Variants in FBXL2 observed in about 807,000 individuals in gnomAD.
The protein encoded by FBXL2 is F-box/LRR-repeat protein 2.
Under a neutral mutation model 69.2 loss-of-function variants are expected in FBXL2, and 38 were observed. The observed-to-expected ratio is 0.55, with a 90% CI of 0.42 to 0.72. FBXL2 has a LOEUF of 0.72. FBXL2 is among the 30% of genes least tolerant of loss of function. The pLI is 0.00. For missense variants in FBXL2, 354 were observed against 520.3 expected (o/e 0.68, Z 3.11); for synonymous variants, 192 against 201.3 (o/e 0.95, Z 0.39).
intron 2 of FBXL2, among the ~76,000 whole-genome samples, chr3:33,299,185 G>A (rs779718503): frequency 6.6e-6 from 1 of 152,014 alleles, no homozygotes; most frequent in Non-Finnish European, 1.5e-5. Flanking sequence ...GGGATTACAG[G>A]CATGTGTCAC....
intron 2 of FBXL2, among the ~76,000 whole-genome samples, chr3:33,339,372 T>G (rs934320276): frequency 6.6e-5 from 10 of 152,162 alleles, no homozygotes; most frequent in African/African-American, 2.2e-4. Context: ...TTTGGAGATT[T>G]CTCAAACAAC....
At position 33,300,068 on chromosome 3, in the gene FBXL2, A is replaced by G. The variant is rs78442979; in HGVS notation, c.65+2343A>G. 3.3e-3 allele frequency among the ~76,000 whole-genome samples: 505 copies of G among 152,194 alleles called. 3 individuals carry two copies. Among genetic ancestry groups the G allele is most frequent in the African/African-American group, 0.011 (454 of 41,526 alleles). On this transcript the variant is annotated intron_variant, in intron 2 of 14. Transcript: ENST00000484457. ...CATCAAGCTGTAATCTAAATATGGT[A>G]TTCTTACCCTGGGGAATCATAAGCA...
intron 2 of FBXL2, among the ~76,000 whole-genome samples, chr3:33,352,678 T>G (rs889329420): frequency 1.6e-4 from 25 of 152,176 alleles, no homozygotes; most frequent in African/African-American, 6.0e-4. Context: ...GGCAGATCAC[T>G]TAAGGTCAGG....
At chr3:33,355,241 C>A (rs1316661647) in intron 2 of FBXL2, among the ~76,000 whole-genome samples, 1 of 152,102 alleles carries the variant, frequency 6.6e-6, no homozygotes, top group Non-Finnish European at 1.5e-5. Flanking sequence ...AAAAATATTC[C>A]ATTTTAATAA....
At position 33,329,618 on chromosome 3, in the gene FBXL2, A is replaced by G. The variant is rs116525372; in HGVS notation, c.66-29349A>G. Among the ~76,000 whole-genome samples, 181 of 152,294 alleles carry G rather than the reference A, an allele frequency of 1.2e-3. 2 individuals are homozygous for G. The highest frequency in any genetic ancestry group is 4.2e-3 in the African/African-American group (173 of 41,564). ...TTGAAATCCTGTCGTTTGCAGCAAG[A>G]TGGATGGAACCAGAGGTTGTTAAGT... On this transcript the variant is annotated intron_variant, in intron 2 of 14. Coordinates refer to ENST00000484457, the MANE Select transcript of FBXL2 (RefSeq NM_012157.5).
chr3:33,277,457 G>A lies in FBXL2; in HGVS notation c.-56G>A. ...CCTGGCTGGCGTCACCAGGACAACG[G>A]GCGTCGCCGGCGCCGTGTGACTTCG... On this transcript the variant is annotated 5_prime_UTR_variant, in exon 1 of 15. Transcript: ENST00000484457. 1 of 1,264,360 alleles carries A rather than the reference G, an allele frequency of 7.9e-7. No homozygotes were observed. Among genetic ancestry groups the A allele is most frequent in the South Asian group, 3.3e-5 (1 of 30,102 alleles). The allele number at this position is 1,264,360 out of a possible 1,614,324, so 78.3% of individuals were successfully genotyped here.
chr3:33,385,570 A>C lies in FBXL2; in HGVS notation c.1234A>C (p.Ser412Arg). Residue 412 changes from serine (S) to arginine (R), a missense_variant, in exon 15 of 15, where the codon AGT (serine) becomes CGT (arginine). Physicochemically the swap from Ser to Arg is moderately radical, Grantham distance 110. Coordinates refer to ENST00000484457, the MANE Select transcript of FBXL2 (RefSeq NM_012157.5). ...PVTPPTAVAG[S>R]GQRLCRCCVI... ...CACCCCACCGACAGCAGTGGCAGGAAGTGGACAGCGACTGTGCAGGTGCTG... is the reference window on the plus strand; with the variant it reads ...CACCCCACCGACAGCAGTGGCAGGACGTGGACAGCGACTGTGCAGGTGCTG... The C allele has an allele frequency of 1.2e-6, 2 of 1,613,994 alleles. No homozygotes were observed. Among genetic ancestry groups the C allele is most frequent in the Non-Finnish European group, 1.7e-6 (2 of 1,179,976 alleles).
the FBXL2 span, among the ~76,000 whole-genome samples, chr3:33,411,965 T>C: frequency 2.0e-5 from 3 of 152,082 alleles, no homozygotes. Context: ...GGCAGGTGGA[T>C]AACCCGAGGT....
chr3:33,368,353 C>G (rs953608601), intron 5 of FBXL2, among the ~76,000 whole-genome samples: 1 of 152,224 alleles, frequency 6.6e-6, no homozygotes, highest in Non-Finnish European at 1.5e-5. Flanking sequence ...CCTATCAGCT[C>G]TTGCTTCAAG....
At chr3:33,366,299 T>C (rs1257514688) in intron 5 of FBXL2, among the ~76,000 whole-genome samples, 2 of 152,208 alleles carry the variant, frequency 1.3e-5, no homozygotes, top group East Asian at 3.8e-4. Flanking sequence ...TATTTTCTTA[T>C]AATGCTTTTG....
intron 5 of FBXL2, among the ~76,000 whole-genome samples, chr3:33,366,775 T>C (rs986192627): frequency 1.3e-5 from 2 of 151,992 alleles, no homozygotes; most frequent in Non-Finnish European, 2.9e-5. Context: ...CCATCCTGGC[T>C]AACACAGTGA....
At chr3:33,345,812 T>A (rs922930056) in intron 2 of FBXL2, among the ~76,000 whole-genome samples, 3 of 152,176 alleles carry the variant, frequency 2.0e-5, no homozygotes, top group Non-Finnish European at 4.4e-5. Flanking sequence ...AGAAAAGGTC[T>A]TAAAAGCAAA....
At chr3:33,277,400 C>T (rs1183385473), upstream of FBXL2, 1 of 1,167,112 alleles carries the variant, frequency 8.6e-7, no homozygotes, top group African/African-American at 1.6e-5. Context: ...CAATGGCCGC[C>T]TCCGAGCCCA....
intron 13 of FBXL2, among the ~76,000 whole-genome samples, chr3:33,381,565 G>GTT (rs1261419852): frequency 1.3e-5 from 2 of 151,502 alleles, no homozygotes; most frequent in Non-Finnish European, 1.5e-5. Context: ...TGGAGGTTGC[G>GTT]TTGAGCCGAG....
chr3:33,365,678 A>G (rs1206685979), intron 5 of FBXL2, among the ~76,000 whole-genome samples: 1 of 152,122 alleles, frequency 6.6e-6, no homozygotes, highest in Non-Finnish European at 1.5e-5. Context: ...CCTTGAAGCC[A>G]GGAGTTTGAG....
At chr3:33,406,011 A>C (rs1337830297), downstream of FBXL2, among the ~76,000 whole-genome samples, 1 of 152,244 alleles carries the variant, frequency 6.6e-6, no homozygotes, top group Non-Finnish European at 1.5e-5. Context: ...TCAGCTTTCA[A>C]AAAAGAAATC....
intron 2 of FBXL2, among the ~76,000 whole-genome samples, chr3:33,298,717 A>G (rs1380400060): frequency 1.3e-5 from 2 of 151,350 alleles, no homozygotes; most frequent in Non-Finnish European, 2.9e-5. Flanking sequence ...AAAAAAAAAA[A>G]AGCTTATTTT....
the FBXL2 span, among the ~76,000 whole-genome samples, chr3:33,420,178 C>T: frequency 6.6e-6 from 1 of 152,164 alleles, no homozygotes; most frequent in African/African-American, 2.4e-5. Flanking sequence ...TATCATGAAA[C>T]TTTAGTAACA....
At chr3:33,378,961 T>C in intron 13 of FBXL2, 4 of 851,854 alleles carry the variant, frequency 4.7e-6, no homozygotes, top group Non-Finnish European at 6.9e-6. Flanking sequence ...AATGTCCAGA[T>C]CCAGATGGTT....
Sources: allele counts gnomAD v4.1 joint callset (sites outside exome capture counted in the v4.1 genomes callset), GRCh38; gene constraint gnomAD v4.1.1; transcripts MANE v1.5; gene names NCBI Gene and HGNC (gene_info 2026-07-23, HGNC 2026-07-21).